STXBP5: variants seen among roughly 807,000 people sequenced by gnomAD.
STXBP5 encodes syntaxin-binding protein 5.
STXBP5 carries 50 observed loss-of-function variants against 152.4 expected under a neutral mutation model. The ratio of observed to expected loss-of-function variants is 0.33; its 90% CI spans 0.26 to 0.42. The LOEUF is 0.42. Ranked by LOEUF, STXBP5 falls within the 10% of genes least tolerant of loss-of-function variation. STXBP5 has a pLI of 1.00. For synonymous variants in STXBP5, 492 were observed against 494.7 expected, an observed-to-expected ratio of 0.99 and a Z score of 0.07; for missense variants, 1,167 against 1,388.6, an observed-to-expected ratio of 0.84 and a Z score of 2.54.
chr6:147,386,346 A>G lies in STXBP5; in HGVS notation c.*1591A>G, dbSNP rs562514342. The G allele has an allele frequency of 6.6e-6, 1 of 151,980 alleles. No homozygotes were observed. The highest frequency in any genetic ancestry group is 2.1e-4 in the South Asian group (1 of 4,828). 9.4% of individuals were successfully genotyped at this position (151,980 alleles called of 1,614,324 possible). A position where few individuals can be genotyped will look rare whatever the true frequency, so the allele number is the denominator to read the frequency against. On this transcript the variant is annotated 3_prime_UTR_variant, in exon 28 of 28. Transcript: ENST00000321680. Reference sequence around the variant, plus strand: ...TGTTTTTCTATTCTATATGATCATTAAAGGAATATGTAGGACATCTTAACT... The same window carrying G: ...TGTTTTTCTATTCTATATGATCATTGAAGGAATATGTAGGACATCTTAACT...
chr6:147,377,219 CAG>C (rs1443666609), intron 26 of STXBP5, among the ~76,000 whole-genome samples: 2 of 152,084 alleles, frequency 1.3e-5, no homozygotes, highest in Admixed American at 6.6e-5. Flanking sequence ...TGTTTGAAAA[CAG>C]AAATATACTT....
intron 16 of STXBP5, among the ~76,000 whole-genome samples, chr6:147,318,765 G>A (rs544986551): frequency 5.3e-5 from 8 of 152,240 alleles, no homozygotes; most frequent in African/African-American, 1.9e-4. Context: ...GATACACTTT[G>A]CCAATCCTGG....
At chr6:147,335,203 A>T (rs1783766031) in intron 19 of STXBP5, among the ~76,000 whole-genome samples, 1 of 152,222 alleles carries the variant, frequency 6.6e-6, no homozygotes, top group South Asian at 2.1e-4. Context: ...GGAATTGGTC[A>T]CATAATTAAT....
intron 19 of STXBP5, 132 bp downstream of exon 19, chr6:147,334,354 A>C: frequency 2.8e-6 from 2 of 706,154 alleles, no homozygotes; most frequent in South Asian, 5.1e-5. Flanking sequence ...ATTTAGTCTT[A>C]AAATCTTAAC....
At chr6:147,365,717 A>G (rs1010966197) in intron 25 of STXBP5, among the ~76,000 whole-genome samples, 10 of 152,176 alleles carry the variant, frequency 6.6e-5, no homozygotes, top group African/African-American at 2.2e-4. Flanking sequence ...TATTTTTAGT[A>G]CCCAGAAATA....
intron 7 of STXBP5, among the ~76,000 whole-genome samples, chr6:147,276,481 TAGA>T (rs1314097279): frequency 6.6e-6 from 1 of 152,152 alleles, no homozygotes; most frequent in Non-Finnish European, 1.5e-5. Flanking sequence ...TTTAGCAAAG[TAGA>T]AGTATTTCTC....
chr6:147,254,825 T>C (rs938476785), intron 4 of STXBP5, among the ~76,000 whole-genome samples: 4 of 152,186 alleles, frequency 2.6e-5, no homozygotes, highest in Non-Finnish European at 5.9e-5. Flanking sequence ...CAACAGATGC[T>C]GGAGAGGATG....
At chr6:147,207,315 A>G (rs1238213926) in intron 2 of STXBP5, among the ~76,000 whole-genome samples, 15 of 152,176 alleles carry the variant, frequency 9.9e-5, no homozygotes, top group Admixed American at 9.8e-4. Flanking sequence ...TTTAGGATGG[A>G]CTATTGAACT....
At chr6:147,235,769 AAATGTGTCACTT>A (rs1342756500) in intron 3 of STXBP5, among the ~76,000 whole-genome samples, 2 of 152,178 alleles carry the variant, frequency 1.3e-5, no homozygotes, top group Non-Finnish European at 2.9e-5. Flanking sequence ...AATAACACCC[AAATGTGTCACTT>A]AATTGCTTTA....
intron 2 of STXBP5, among the ~76,000 whole-genome samples, chr6:147,223,991 C>G (rs1032621398): frequency 6.6e-6 from 1 of 152,186 alleles, no homozygotes; most frequent in Non-Finnish European, 1.5e-5. Flanking sequence ...GAAACTGTTA[C>G]GTGAAATATT....
chr6:147,303,072 G>A (rs983586177), intron 9 of STXBP5, among the ~76,000 whole-genome samples: 3 of 152,138 alleles, frequency 2.0e-5, no homozygotes, highest in African/African-American at 7.2e-5. Context: ...TAGTATCTGT[G>A]TATACTTTAA....
chr6:147,229,592 G>A (rs898529158), intron 2 of STXBP5, among the ~76,000 whole-genome samples: 8 of 151,300 alleles, frequency 5.3e-5, no homozygotes, highest in East Asian at 1.9e-4. Context: ...GCATTTCTTC[G>A]GATAAATTTA....
chr6:147,274,943 G>A (rs1176243595), intron 7 of STXBP5, among the ~76,000 whole-genome samples: 1 of 152,134 alleles, frequency 6.6e-6, no homozygotes, highest in Non-Finnish European at 1.5e-5. Context: ...ACTGTGAAAT[G>A]ATTCTAATAA....
At chr6:147,294,703 T>C (rs1268711232) in intron 9 of STXBP5, among the ~76,000 whole-genome samples, 1 of 152,190 alleles carries the variant, frequency 6.6e-6, no homozygotes. Context: ...TTTTTAGATA[T>C]CACATATGAT....
At position 147,339,358 on chromosome 6, in the gene STXBP5, T is replaced by TG; in HGVS notation, c.2228_2229insG (p.Phe743LeufsTer8). On this transcript the variant is annotated frameshift_variant, in exon 21 of 28. Transcript: ENST00000321680. LOFTEE classifies it high-confidence loss of function. ...TCAGTGAAGACCAAAAGCAGAAAGT[T>TG]TTCCAAGATGGTAGCCAATGATATA... is the stretch of plus-strand genomic sequence containing the variant. The TG allele has an allele frequency of 6.7e-7, 1 of 1,499,676 alleles. No individual in the cohort carries two copies. Among genetic ancestry groups the TG allele is most frequent in the Non-Finnish European group, 8.8e-7 (1 of 1,132,102 alleles). 92.9% of individuals were successfully genotyped at this position (1,499,676 alleles called of 1,614,324 possible).
rs753502738 is a variant in STXBP5, at chr6:147,382,892, G to A, written c.3308G>A (p.Arg1103Gln). The A allele has an allele frequency of 3.1e-6, 5 of 1,613,314 alleles. No homozygotes were observed. The highest frequency in any genetic ancestry group is 4.2e-6 in the Non-Finnish European group (5 of 1,179,690). ...AASGVVGELARARLALDERGQ... is the reference protein window; with the variant it reads ...AASGVVGELAQARLALDERGQ... ...TCTGGAGTTGTTGGTGAATTAGCAC[G>A]AGCCAGGCTGGCACTAGATGAAAGA... Residue 1103 changes from arginine to glutamine, a missense_variant, in exon 27 of 28, where the codon CGA (arginine) becomes CAA (glutamine). Around this residue, in one of 3 missense-constraint regions of STXBP5, gnomAD observed 833 missense variants for 986.3 expected, o/e 0.84. Coordinates refer to ENST00000321680, the MANE Select transcript of STXBP5 (RefSeq NM_001127715.4).
chr6:147,220,344 T>C (rs1777397250), intron 2 of STXBP5, among the ~76,000 whole-genome samples: 1 of 152,150 alleles, frequency 6.6e-6, no homozygotes, highest in African/African-American at 2.4e-5. Flanking sequence ...GAATGTGTGT[T>C]TTGCTGTTAT....
intron 2 of STXBP5, among the ~76,000 whole-genome samples, chr6:147,210,686 GTTCTTCAC>G (rs1430034071): frequency 6.6e-6 from 1 of 152,098 alleles, no homozygotes; most frequent in Non-Finnish European, 1.5e-5. Flanking sequence ...TTTAGCCCAA[GTTCTTCAC>G]CAGTTAAATA....
chr6:147,382,475 T>G (rs887920275), intron 26 of STXBP5, among the ~76,000 whole-genome samples: 1 of 152,176 alleles, frequency 6.6e-6, no homozygotes, highest in African/African-American at 2.4e-5. Context: ...ATTATGTAAT[T>G]GGTAACAATA....
Sources: gnomAD v4.1 joint callset for allele counts (sites outside exome capture counted in the v4.1 genomes callset) on GRCh38, gnomAD v4.1.1 for gene constraint, gnomAD v4.1.1 regional missense constraint, MANE v1.5 for transcripts, NCBI Gene and HGNC (gene_info 2026-07-23, HGNC 2026-07-21) for gene names.